The following KCNIP3 variants were observed in gnomAD, a reference collection of about 807,000 sequenced individuals.
The protein encoded by KCNIP3 is calsenilin.
In KCNIP3, 28 loss-of-function variants were observed where a neutral mutation model predicts 35.0. That is an observed-to-expected ratio of 0.80 (90% CI 0.59 to 1.10). KCNIP3 has a LOEUF of 1.10. Among genes scored for constraint, KCNIP3 ranks in the 50% least tolerant of loss-of-function variants. The probability of loss-of-function intolerance (pLI) is 0.00; values close to 1 mark genes in which losing one functional copy is unlikely to be tolerated. For missense variants in KCNIP3, 295 were observed against 338.4 expected (o/e 0.87, Z 1.01); for synonymous variants, 134 against 133.8 (o/e 1.00, Z -0.01).
intron 1 of KCNIP3, among the ~76,000 whole-genome samples, chr2:95,298,196 C>T (rs1407455744): frequency 1.3e-5 from 2 of 149,678 alleles, no homozygotes; most frequent in African/African-American, 5.0e-5. Flanking sequence ...TGGCCTGATG[C>T]CCTGTGAGCT....
intron 2 of KCNIP3, among the ~76,000 whole-genome samples, chr2:95,326,135 TCAGA>T (rs1241688107): frequency 4.0e-5 from 6 of 148,926 alleles, no homozygotes; most frequent in Admixed American, 4.0e-4. Flanking sequence ...ACTTATAAAG[TCAGA>T]CACACATACA....
chr2:95,347,165 C>G (rs1302401151), intron 2 of KCNIP3: 1 of 1,516,406 alleles, frequency 6.6e-7, no homozygotes, highest in East Asian at 2.3e-5. Context: ...CCGCCGCAGA[C>G]CAGTGGTCTG....
intron 2 of KCNIP3, among the ~76,000 whole-genome samples, chr2:95,325,803 A>T (rs372337839): frequency 6.6e-6 from 1 of 151,256 alleles, no homozygotes; most frequent in Admixed American, 6.6e-5. Flanking sequence ...TCATACACAC[A>T]TACACTCATA....
chr2:95,324,024 G>T (rs1250798598), intron 2 of KCNIP3, among the ~76,000 whole-genome samples: 3 of 152,204 alleles, frequency 2.0e-5, no homozygotes, highest in Non-Finnish European at 4.4e-5. Context: ...GAGGGAGCCC[G>T]CGGCCACTGC....
intron 2 of KCNIP3, chr2:95,347,053 G>C: frequency 1.2e-6 from 2 of 1,611,694 alleles, no homozygotes; most frequent in Non-Finnish European, 1.7e-6. Flanking sequence ...GTGCGCCATG[G>C]CCGTGGTGGT....
At chr2:95,362,369 G>A (rs1223321275) in intron 2 of KCNIP3, among the ~76,000 whole-genome samples, 2 of 152,040 alleles carry the variant, frequency 1.3e-5, no homozygotes, top group Non-Finnish European at 2.9e-5. Flanking sequence ...GCCTCCCAAA[G>A]TGCTGGGATT....
At chr2:95,297,848 C>T (rs1270475424) in intron 1 of KCNIP3, among the ~76,000 whole-genome samples, 1 of 152,102 alleles carries the variant, frequency 6.6e-6, no homozygotes, top group Non-Finnish European at 1.5e-5. Flanking sequence ...ACACTGAGCC[C>T]GGGCCCCACA....
chr2:95,301,657 T>G (rs1271272296), intron 1 of KCNIP3, among the ~76,000 whole-genome samples: 1 of 152,180 alleles, frequency 6.6e-6, no homozygotes, highest in Non-Finnish European at 1.5e-5. Flanking sequence ...CCCTTCTGAC[T>G]GTTGAGGAGA....
intron 3 of KCNIP3, 139 bp downstream of exon 3, chr2:95,374,559 A>G: frequency 1.7e-6 from 2 of 1,142,884 alleles, no homozygotes; most frequent in Non-Finnish European, 2.5e-6. Context: ...TGGCGGGGGC[A>G]GGCTCCGGAA....
At chr2:95,334,191 G>A (rs1558766484) in intron 2 of KCNIP3, among the ~76,000 whole-genome samples, 1 of 152,244 alleles carries the variant, frequency 6.6e-6, no homozygotes, top group Non-Finnish European at 1.5e-5. Context: ...GGGAACACAG[G>A]CTCTGAGTTG....
chr2:95,331,798 C>T (rs1678939599), intron 2 of KCNIP3, among the ~76,000 whole-genome samples: 2 of 152,322 alleles, frequency 1.3e-5, no homozygotes, highest in South Asian at 2.1e-4. Context: ...AGGTGCCCGA[C>T]CCAGGCTGGG....
intron 2 of KCNIP3, among the ~76,000 whole-genome samples, chr2:95,340,703 C>G (rs536234603): frequency 6.6e-6 from 1 of 152,204 alleles, no homozygotes; most frequent in African/African-American, 2.4e-5. Context: ...TCCCCTTGGA[C>G]AGTATCATGT....
chr2:95,378,183 C>G lies in KCNIP3; in HGVS notation c.447+2975C>G, dbSNP rs1162511318. 2.0e-5 allele frequency among the ~76,000 whole-genome samples: 3 copies of G among 152,082 alleles called. No homozygotes were observed. Among genetic ancestry groups the G allele is most frequent in the African/African-American group, 7.2e-5 (3 of 41,400 alleles). On this transcript the variant is annotated intron_variant, in intron 5 of 8. Transcript: ENST00000295225. This position sits in a 1 kb window ranked among gnomAD's most constrained non-coding sequence, Gnocchi z 4.0. ...TTTTAGACAGGCTGGAGTGCAGTGG[C>G]ACCACCATAGCTCATTGCAGCCTCG...
intron 1 of KCNIP3, among the ~76,000 whole-genome samples, chr2:95,307,862 G>T (rs569530630): frequency 6.0e-4 from 92 of 152,330 alleles, no homozygotes; most frequent in African/African-American, 2.1e-3. Flanking sequence ...CTGCAGCAAA[G>T]AATTTGTGAT....
chr2:95,317,781 C>G (rs1481244650), intron 2 of KCNIP3, among the ~76,000 whole-genome samples: 1 of 152,146 alleles, frequency 6.6e-6, no homozygotes, highest in Non-Finnish European at 1.5e-5. Flanking sequence ...GGGGGTACCG[C>G]CTGCACAGTG....
chr2:95,352,184 A>G (rs1351322482), intron 2 of KCNIP3, among the ~76,000 whole-genome samples: 1 of 152,026 alleles, frequency 6.6e-6, no homozygotes, highest in Non-Finnish European at 1.5e-5. Flanking sequence ...AATCACTTGA[A>G]CCCGGATTGC....
intron 2 of KCNIP3, among the ~76,000 whole-genome samples, chr2:95,333,032 T>TC (rs1678971677): frequency 0.01 from 1 of 96 alleles, no homozygotes; most frequent in South Asian, 0.17. Context: ...TGTGACAGCC[T>TC]CTGCTGGGCC....
chr2:95,315,772 G>C (rs1168726058), intron 2 of KCNIP3, among the ~76,000 whole-genome samples: 1 of 152,158 alleles, frequency 6.6e-6, no homozygotes, highest in Non-Finnish European at 1.5e-5. Context: ...CGAGACCGTA[G>C]GGGGCGGGTG....
intron 2 of KCNIP3, among the ~76,000 whole-genome samples, chr2:95,315,411 G>T (rs753349163): frequency 1.9e-4 from 29 of 152,180 alleles, no homozygotes; most frequent in Non-Finnish European, 3.2e-4. Flanking sequence ...CCACCTGATC[G>T]TCCAGTGCCT....
Sources: gnomAD v4.1 joint callset for allele counts (sites outside exome capture counted in the v4.1 genomes callset) on GRCh38, gnomAD v4.1.1 for gene constraint, Gnocchi (gnomAD v3.1) non-coding constraint, MANE v1.5 for transcripts, NCBI Gene and HGNC (gene_info 2026-07-23, HGNC 2026-07-21) for gene names.